RORA: variants seen among roughly 807,000 people sequenced by gnomAD.
The protein encoded by RORA is RAR related orphan receptor A, also known as nuclear receptor ROR-alpha.
A neutral mutation model predicts 69.5 loss-of-function variants in RORA; 7 were observed. The ratio of observed to expected loss-of-function variants is 0.10; its 90% CI spans 0.06 to 0.19. The LOEUF (loss-of-function observed/expected upper bound fraction) is 0.19, where lower values mean the gene tolerates loss of function less well. Among genes scored for constraint, RORA ranks in the 10% least tolerant of loss-of-function variants. The pLI, the probability that RORA is intolerant of heterozygous loss-of-function variation, is 1.00. For missense variants in RORA, 457 were observed against 663.0 expected (o/e 0.69, Z 3.41); for synonymous variants, 261 against 240.8 (o/e 1.08, Z -0.78).
At chr15:61,042,725 G>A (rs1164137679) in intron 1 of RORA, among the ~76,000 whole-genome samples, 3 of 152,166 alleles carry the variant, frequency 2.0e-5, no homozygotes, top group Admixed American at 1.3e-4. Context: ...TCGGGACCTC[G>A]TCCCTCCATA....
At chr15:60,524,017 C>T (rs1057133697) in intron 3 of RORA, among the ~76,000 whole-genome samples, 4 of 152,164 alleles carry the variant, frequency 2.6e-5, no homozygotes, top group Non-Finnish European at 4.4e-5. Flanking sequence ...CTGTCCTCTC[C>T]AGTGTTTTCT....
intron 1 of RORA, among the ~76,000 whole-genome samples, chr15:60,806,957 A>G (rs2072667735): frequency 6.6e-6 from 1 of 152,192 alleles, no homozygotes; most frequent in Non-Finnish European, 1.5e-5. Context: ...CCAACATTAT[A>G]CTGAATGGGG....
rs182569537 is a variant in RORA at position 60,903,015 on chromosome 15, G to A, written c.167-224329C>T. On this transcript the variant is annotated intron_variant, in intron 1 of 10. Coordinates refer to ENST00000335670, the MANE Select transcript of RORA (RefSeq NM_134261.3). Reference sequence around the variant, plus strand: ...CTTTGGAGAGAAAGTAGGCTAATCCGAAGCTTTTTATTCAGGGGATGAATT... The same window carrying A: ...CTTTGGAGAGAAAGTAGGCTAATCCAAAGCTTTTTATTCAGGGGATGAATT... 2.9e-3 allele frequency among the ~76,000 whole-genome samples: 438 copies of A among 152,306 alleles called. 1 individual carries two copies. Among genetic ancestry groups the A allele is most frequent in the African/African-American group, 0.01 (421 of 41,572 alleles).
intron 2 of RORA, among the ~76,000 whole-genome samples, chr15:60,577,463 G>A (rs1358293014): frequency 6.6e-6 from 1 of 152,054 alleles, no homozygotes. Flanking sequence ...GGCCAACATG[G>A]TAAAACCCTG....
At position 60,543,689 on chromosome 15, in the gene RORA, C is replaced by A. The variant is rs553607329; in HGVS notation, c.197-11838G>T. ...TAGAGATGGGGTTTCACCATGTTGC[C>A]CAGGCTGGTCTTGAACTCCCGGACT... On this transcript the variant is annotated intron_variant, in intron 2 of 10. Coordinates refer to ENST00000335670, the MANE Select transcript of RORA (RefSeq NM_134261.3). Among the ~76,000 whole-genome samples, 34 of 152,104 alleles carry A rather than the reference C, an allele frequency of 2.2e-4. 2 individuals are homozygous for A. In the South Asian group the frequency reaches 7.1e-3, roughly 32 times the overall value.
chr15:61,022,685 A>G (rs1160689970), intron 1 of RORA, among the ~76,000 whole-genome samples: 1 of 152,198 alleles, frequency 6.6e-6, no homozygotes, highest in African/African-American at 2.4e-5. Flanking sequence ...CCCTAGACAC[A>G]TTGTGGCAAA....
intron 1 of RORA, among the ~76,000 whole-genome samples, chr15:61,114,842 T>C (rs1012282079): frequency 3.0e-4 from 45 of 152,342 alleles, no homozygotes; most frequent in Middle Eastern, 3.4e-3. Context: ...CCCCAGGGCC[T>C]TCGTATGTTG....
chr15:60,919,622 G>T (rs959578357), intron 1 of RORA, among the ~76,000 whole-genome samples: 1 of 152,082 alleles, frequency 6.6e-6, no homozygotes, highest in Non-Finnish European at 1.5e-5. Context: ...TCCTTTCACT[G>T]GTCAAGAGCA....
chr15:60,886,806 T>A (rs1447719209), intron 1 of RORA, among the ~76,000 whole-genome samples: 1 of 152,240 alleles, frequency 6.6e-6, no homozygotes, highest in African/African-American at 2.4e-5. Flanking sequence ...TACAACTTCT[T>A]CCTAGACAAC....
intron 1 of RORA, among the ~76,000 whole-genome samples, chr15:60,996,193 C>G (rs376237188): frequency 1.8e-4 from 28 of 152,024 alleles, no homozygotes; most frequent in African/African-American, 6.3e-4. Flanking sequence ...GCCTCAGACT[C>G]CCAAGCAGCT....
chr15:60,514,797 G>A lies in RORA; in HGVS notation c.283-40C>T, dbSNP rs201167652. On this transcript the variant is annotated intron_variant, in intron 3 of 10. Coordinates refer to ENST00000335670, the MANE Select transcript of RORA (RefSeq NM_134261.3). ...TAAAATATAAAACAGGTTAGTGTCAGAATGAGTGGTATGATACTAAAGGCA... is the reference window on the plus strand; with the variant it reads ...TAAAATATAAAACAGGTTAGTGTCAAAATGAGTGGTATGATACTAAAGGCA... 23 of 1,560,058 alleles carry A rather than the reference G, an allele frequency of 1.5e-5. No individual in the cohort carries two copies. In the African/African-American group the frequency reaches 2.8e-4, roughly 19 times the overall value.
intron 1 of RORA, among the ~76,000 whole-genome samples, chr15:61,219,022 T>C (rs2080068859): frequency 6.6e-6 from 1 of 152,168 alleles, no homozygotes; most frequent in Admixed American, 6.5e-5. Flanking sequence ...TACCTATTAA[T>C]AGAAAGTAAA....
At chr15:60,636,703 G>T (rs1398164475) in intron 2 of RORA, among the ~76,000 whole-genome samples, 1 of 152,102 alleles carries the variant, frequency 6.6e-6, no homozygotes, top group African/African-American at 2.4e-5. Flanking sequence ...GAAGTTAAAA[G>T]AAGCCTACAA....
At chr15:60,558,165 G>A in intron 2 of RORA, 1 of 1,223,750 alleles carries the variant, frequency 8.2e-7, no homozygotes, top group Non-Finnish European at 1.2e-6. Context: ...CACAAGACTG[G>A]GCCACATCTC....
intron 1 of RORA, among the ~76,000 whole-genome samples, chr15:60,788,700 C>T (rs2072374867): frequency 6.6e-6 from 1 of 152,140 alleles, no homozygotes; most frequent in Admixed American, 6.5e-5. Flanking sequence ...TTAAAGAAGG[C>T]ACCCTCCCTG....
intron 1 of RORA, among the ~76,000 whole-genome samples, chr15:60,916,557 CTTAATAAA>C (rs1056111533): frequency 2.6e-5 from 4 of 152,176 alleles, no homozygotes; most frequent in African/African-American, 9.7e-5. Flanking sequence ...TCAGCTTCCT[CTTAATAAA>C]TAGCTTACCA....
intron 2 of RORA, among the ~76,000 whole-genome samples, chr15:60,626,282 A>G (rs545074680): frequency 6.6e-6 from 1 of 152,160 alleles, no homozygotes; most frequent in Non-Finnish European, 1.5e-5. Flanking sequence ...CTGACAGGGA[A>G]AATGATCCCT....
At position 60,896,488 on chromosome 15, in the gene RORA, T is replaced by C. The variant is rs1275056772; in HGVS notation, c.167-217802A>G. On this transcript the variant is annotated intron_variant, in intron 1 of 10. Transcript: ENST00000335670. ...TCTCCTGATACCCACACAGGAAGTC[T>C]TAGTTACAGGCCTGGTTTTAGGCAT... is the stretch of plus-strand genomic sequence containing the variant. Among the ~76,000 whole-genome samples, 4 of 152,366 alleles carry C rather than the reference T, an allele frequency of 2.6e-5. No individual in the cohort carries two copies. The East Asian group carries it at 5.8e-4, about 22-fold the overall frequency.
chr15:60,556,970 A>G, intron 2 of RORA: 1 of 1,511,034 alleles, frequency 6.6e-7, no homozygotes, highest in Non-Finnish European at 9.2e-7. Flanking sequence ...GACAAAGAAA[A>G]GATTTATCAG....
Sources: gnomAD v4.1 joint callset for allele counts (sites outside exome capture counted in the v4.1 genomes callset) on GRCh38, gnomAD v4.1.1 for gene constraint, MANE v1.5 for transcripts, NCBI Gene and HGNC (gene_info 2026-07-23, HGNC 2026-07-21) for gene names.